PHF24: variants seen among roughly 807,000 people sequenced by gnomAD.
PHF24 encodes Galpha inhibitory interacting protein.
A neutral mutation model predicts 42.6 loss-of-function variants in PHF24; 25 were observed. The observed-to-expected ratio is 0.59, with a 90% CI of 0.43 to 0.82. The LOEUF is 0.82. Among genes scored for constraint, PHF24 ranks in the 40% least tolerant of loss-of-function variants. PHF24 has a pLI of 0.00. For missense variants in PHF24, 470 were observed against 538.1 expected (o/e 0.87, Z 1.25); for synonymous variants, 185 against 204.8 (o/e 0.90, Z 0.83).
chr9:34,965,361 T>C (rs1200750437), intron 1 of PHF24, among the ~76,000 whole-genome samples: 1 of 152,384 alleles, frequency 6.6e-6, no homozygotes, highest in East Asian at 1.9e-4. Context: ...TCAAAATGAC[T>C]TGATGGTCTT....
At chr9:34,897,875 C>T in the PHF24 span, among the ~76,000 whole-genome samples, 1 of 152,094 alleles carries the variant, frequency 6.6e-6, no homozygotes, top group Non-Finnish European at 1.5e-5. Flanking sequence ...ATTCTTATGC[C>T]TTTTCATCCT....
chr9:34,923,845 T>C, the PHF24 span, among the ~76,000 whole-genome samples: 1 of 152,092 alleles, frequency 6.6e-6, no homozygotes, highest in Non-Finnish European at 1.5e-5. Flanking sequence ...TTTTTTCTTC[T>C]AATTTTGAGT....
At chr9:34,975,161 T>G (rs1827141924) in intron 3 of PHF24, among the ~76,000 whole-genome samples, 1 of 152,268 alleles carries the variant, frequency 6.6e-6, no homozygotes, top group South Asian at 2.1e-4. Context: ...AAAGGCCTAA[T>G]TTGAGGGGCT....
chr9:34,860,917 C>T, the PHF24 span, among the ~76,000 whole-genome samples: 31 of 152,092 alleles, frequency 2.0e-4, no homozygotes, highest in African/African-American at 7.5e-4. Context: ...ACAGGAGGAA[C>T]ACATGAGAAA....
chr9:34,729,246 C>T, the PHF24 span: 5 of 1,537,144 alleles, frequency 3.3e-6, no homozygotes, highest in Admixed American at 2.1e-5. Flanking sequence ...GGCTTCTTAT[C>T]TGAGGCTTAA....
At chr9:34,966,681 GGTT>G (rs1826783417) in intron 1 of PHF24, among the ~76,000 whole-genome samples, 1 of 151,768 alleles carries the variant, frequency 6.6e-6, no homozygotes, top group Non-Finnish European at 1.5e-5. Context: ...TCCCTATTGA[GGTT>G]GTTTCCACCT....
the PHF24 span, among the ~76,000 whole-genome samples, chr9:34,937,356 CCTGTGCT>C: frequency 5.9e-5 from 9 of 152,102 alleles, no homozygotes; most frequent in African/African-American, 2.2e-4. Context: ...TACCCCCAAC[CCTGTGCT>C]CTCTGAAACA....
At chr9:34,872,698 G>T in the PHF24 span, among the ~76,000 whole-genome samples, 107,137 of 141,332 alleles carry the variant, frequency 0.76, 40,858 homozygotes, top group East Asian at 0.86. Context: ...GCAGCATGAT[G>T]TATAATCCTT....
the PHF24 span, among the ~76,000 whole-genome samples, chr9:34,750,110 A>C: frequency 6.6e-6 from 1 of 152,204 alleles, no homozygotes; most frequent in Non-Finnish European, 1.5e-5. Flanking sequence ...AACATTAATG[A>C]GCAGCAAAAA....
the PHF24 span, among the ~76,000 whole-genome samples, chr9:34,769,079 C>G: frequency 6.6e-6 from 1 of 152,014 alleles, no homozygotes; most frequent in Non-Finnish European, 1.5e-5. Context: ...TATGTAAAAC[C>G]TTTTTGAGAA....
the PHF24 span, among the ~76,000 whole-genome samples, chr9:34,667,999 C>T: frequency 3.9e-5 from 6 of 152,192 alleles, no homozygotes; most frequent in Non-Finnish European, 7.4e-5. Context: ...TTCTCCACCC[C>T]GACTCATAGG....
the PHF24 span, among the ~76,000 whole-genome samples, chr9:34,905,985 G>A: frequency 6.6e-6 from 1 of 152,058 alleles, no homozygotes; most frequent in Non-Finnish European, 1.5e-5. Flanking sequence ...ACGTCTGTGT[G>A]GGTGCATTTC....
At chr9:34,864,884 G>A in the PHF24 span, among the ~76,000 whole-genome samples, 3 of 152,162 alleles carry the variant, frequency 2.0e-5, no homozygotes, top group Non-Finnish European at 4.4e-5. Flanking sequence ...AAGTTAAAAA[G>A]CAGAGGGACA....
At chr9:34,683,215 C>T in the PHF24 span, among the ~76,000 whole-genome samples, 2 of 152,156 alleles carry the variant, frequency 1.3e-5, no homozygotes, top group South Asian at 2.1e-4. Flanking sequence ...CATGCGCCAC[C>T]ATACCTGGCT....
the PHF24 span, among the ~76,000 whole-genome samples, chr9:34,940,219 G>A: frequency 6.6e-6 from 1 of 152,026 alleles, no homozygotes. Flanking sequence ...GACTTTGAGG[G>A]TATGCCTGCA....
At chr9:34,724,196 T>C in the PHF24 span, 40 of 1,551,352 alleles carry the variant, frequency 2.6e-5, no homozygotes, top group East Asian at 7.3e-5. Flanking sequence ...TTTGTTCACA[T>C]TGGCCTCTAC....
At chr9:34,839,104 C>A in the PHF24 span, among the ~76,000 whole-genome samples, 1 of 152,182 alleles carries the variant, frequency 6.6e-6, no homozygotes, top group Non-Finnish European at 1.5e-5. Flanking sequence ...TGTGTGGCCT[C>A]AAGCTTGCAG....
the PHF24 span, among the ~76,000 whole-genome samples, chr9:34,897,237 G>T: frequency 6.6e-6 from 1 of 152,182 alleles, no homozygotes; most frequent in Non-Finnish European, 1.5e-5. Flanking sequence ...GGAATAGTGA[G>T]CACTCAATAC....
chr9:34,699,679 G>T, the PHF24 span, among the ~76,000 whole-genome samples: 25 of 152,164 alleles, frequency 1.6e-4, no homozygotes, highest in African/African-American at 5.8e-4. Context: ...GCAGGAAAGG[G>T]TGAAATAATG....
Sources: allele counts gnomAD v4.1 joint callset (sites outside exome capture counted in the v4.1 genomes callset), GRCh38; gene constraint gnomAD v4.1.1; transcripts MANE v1.5; gene names NCBI Gene and HGNC (gene_info 2026-07-23, HGNC 2026-07-21).